The following CATSPERE variants were observed in gnomAD, a reference collection of about 807,000 sequenced individuals.
The protein encoded by CATSPERE is cation channel sperm-associated auxiliary subunit epsilon.
A neutral mutation model predicts 114.1 loss-of-function variants in CATSPERE; 93 were observed. The observed-to-expected ratio is 0.81, with a 90% CI of 0.69 to 0.97. The LOEUF (loss-of-function observed/expected upper bound fraction) is 0.97, where lower values mean the gene tolerates loss of function less well. Among genes scored for constraint, CATSPERE ranks in the 50% least tolerant of loss-of-function variants. CATSPERE has a pLI of 0.00. For synonymous variants in CATSPERE, 341 were observed against 384.1 expected (o/e 0.89, Z 1.31); for missense variants, 1,058 against 1,131.6 (o/e 0.93, Z 0.93).
upstream of CATSPERE, among the ~76,000 whole-genome samples, chr1:244,456,483 AT>A (rs955715309): frequency 2.0e-5 from 3 of 152,138 alleles, no homozygotes; most frequent in African/African-American, 7.2e-5. Flanking sequence ...TACATCACAT[AT>A]TTTGTCAGAA....
rs982490118 is a variant in CATSPERE, at chr1:244,499,615, T to G, written c.429+536T>G. On this transcript the variant is annotated intron_variant, in intron 7 of 21. Transcript: ENST00000366534. ...GGTGTTTGGTTTTCTGTTCTTGTGT[T>G]AGTTTGCTGAAGATGATGGTTTCCA... Among the ~76,000 whole-genome samples the G allele has an allele frequency of 4.6e-5, 7 of 152,122 alleles. No homozygotes were observed. In the Middle Eastern group the frequency reaches 0.01, roughly 223 times the overall value.
intron 17 of CATSPERE, chr1:244,598,605 T>C: frequency 2.8e-6 from 1 of 359,222 alleles, no homozygotes. Context: ...GGGCCCAGTC[T>C]TATGCTTGCC....
Position 244,499,693 on chromosome 1 carries a change from A to G in CATSPERE, c.429+614A>G, listed in dbSNP as rs538374833. On this transcript the variant is annotated intron_variant, in intron 7 of 21. Transcript: ENST00000366534. The stretch of plus-strand genomic sequence containing the variant: ...TGAACTCATCCTTTTTTATGACTGC[A>G]TAGTATTCCATGGTATATATGTGCC... Among the ~76,000 whole-genome samples, 7 of 152,194 alleles carry G rather than the reference A, an allele frequency of 4.6e-5. 1 individual carries two copies. In the South Asian group the frequency reaches 1.5e-3, roughly 32 times the overall value.
chr1:244,528,678 A>G (rs989954409), intron 8 of CATSPERE, among the ~76,000 whole-genome samples: 3 of 151,974 alleles, frequency 2.0e-5, no homozygotes, highest in Non-Finnish European at 4.4e-5. Flanking sequence ...TAAACATCCA[A>G]TTAAATTATT....
chr1:244,487,529 C>G (rs1671296034), intron 5 of CATSPERE, among the ~76,000 whole-genome samples: 1 of 152,090 alleles, frequency 6.6e-6, no homozygotes, highest in Admixed American at 6.6e-5. Context: ...GTAAGCCACG[C>G]CATCATCACC....
chr1:244,587,346 C>T (rs1667149411), intron 13 of CATSPERE, among the ~76,000 whole-genome samples: 1 of 152,226 alleles, frequency 6.6e-6, no homozygotes, highest in Non-Finnish European at 1.5e-5. Context: ...CTTATTGCAT[C>T]AGATTCTAAT....
chr1:244,479,842 T>C, intron 5 of CATSPERE, 58 bp downstream of exon 5: 1 of 914,928 alleles, frequency 1.1e-6, no homozygotes, highest in South Asian at 2.0e-5. Context: ...TAGCTTCAAC[T>C]TTTAATTAGC....
chr1:244,463,340 C>G (rs1314840064), intron 1 of CATSPERE, among the ~76,000 whole-genome samples: 1 of 151,822 alleles, frequency 6.6e-6, no homozygotes, highest in African/African-American at 2.4e-5. Flanking sequence ...ATTAAGAACC[C>G]TCCATCGCAG....
At position 244,516,620 on chromosome 1, in the gene CATSPERE, CAAGT is replaced by C. The variant is rs368907033; in HGVS notation, c.430-1971_430-1968del. Among the ~76,000 whole-genome samples the C allele has an allele frequency of 4.7e-3, 714 of 150,846 alleles. 9 individuals carry two copies. The highest frequency in any genetic ancestry group is 0.017 in the African/African-American group (681 of 40,242). ...CACTGCAACCTCCACCTCCTGAGTT[CAAGT>C]GATTCTCCTGCCTCAGCCTCCTGAG... is the stretch of plus-strand genomic sequence containing the variant. On this transcript the variant is annotated intron_variant, in intron 7 of 21. Transcript: ENST00000366534.
At chr1:244,623,058 T>TTTTA (rs6143712) in intron 20 of CATSPERE, among the ~76,000 whole-genome samples, 8,240 of 145,520 alleles carry the variant, frequency 0.057, 774 homozygotes, top group African/African-American at 0.19. Flanking sequence ...TTTGTCTTAT[T>TTTTA]TTTATTTATT....
At chr1:244,585,991 C>T (rs192954609) in intron 13 of CATSPERE, among the ~76,000 whole-genome samples, 25 of 152,294 alleles carry the variant, frequency 1.6e-4, no homozygotes, top group Non-Finnish European at 3.5e-4. Flanking sequence ...CCTTTAGAAT[C>T]CCTGTCTCAG....
chr1:244,567,354 TTGG>T (rs1467803080), intron 10 of CATSPERE, among the ~76,000 whole-genome samples: 1 of 152,170 alleles, frequency 6.6e-6, no homozygotes, highest in African/African-American at 2.4e-5. Flanking sequence ...GAGTATCTTT[TTGG>T]TGTTCTCTGT....
chr1:244,462,159 C>T (rs899133016), intron 1 of CATSPERE, among the ~76,000 whole-genome samples: 1 of 152,152 alleles, frequency 6.6e-6, no homozygotes, highest in Non-Finnish European at 1.5e-5. Context: ...TTCCTCTCAC[C>T]TTGTGCAGCC....
chr1:244,492,761 A>G (rs1424440811), intron 6 of CATSPERE, among the ~76,000 whole-genome samples: 1 of 148,900 alleles, frequency 6.7e-6, no homozygotes, highest in Non-Finnish European at 1.5e-5. Context: ...AGGATACAAA[A>G]TCAATGTACA....
chr1:244,612,938 A>T (rs575720831), intron 19 of CATSPERE, among the ~76,000 whole-genome samples: 1 of 152,212 alleles, frequency 6.6e-6, no homozygotes, highest in Non-Finnish European at 1.5e-5. Context: ...ATAATATAAC[A>T]GGGAATATCA....
intron 2 of CATSPERE, among the ~76,000 whole-genome samples, chr1:244,470,570 A>G (rs1046304191): frequency 6.6e-6 from 1 of 152,214 alleles, no homozygotes; most frequent in Non-Finnish European, 1.5e-5. Context: ...TCAAATGTCA[A>G]ATGGTGCAGG....
intron 11 of CATSPERE, among the ~76,000 whole-genome samples, chr1:244,577,371 C>T (rs1327251012): frequency 6.6e-6 from 1 of 152,140 alleles, no homozygotes; most frequent in East Asian, 1.9e-4. Context: ...CATGCAGTCT[C>T]ATGGATAGAT....
At chr1:244,544,434 G>A (rs180939382) in intron 8 of CATSPERE, among the ~76,000 whole-genome samples, 11 of 152,292 alleles carry the variant, frequency 7.2e-5, no homozygotes, top group Admixed American at 6.5e-4. Flanking sequence ...GAATCCAGTG[G>A]TCTCCAAACC....
At chr1:244,526,555 A>G (rs1225635418) in intron 8 of CATSPERE, among the ~76,000 whole-genome samples, 5 of 152,146 alleles carry the variant, frequency 3.3e-5, no homozygotes, top group Non-Finnish European at 7.4e-5. Flanking sequence ...ATGGGAGGCT[A>G]GCAAGGATAA....
Sources: allele counts gnomAD v4.1 joint callset (sites outside exome capture counted in the v4.1 genomes callset), GRCh38; gene constraint gnomAD v4.1.1; transcripts MANE v1.5; gene names NCBI Gene and HGNC (gene_info 2026-07-23, HGNC 2026-07-21).